Variants in FSD2 observed in about 807,000 individuals in gnomAD.
The protein encoded by FSD2 is fibronectin type III and SPRY domain-containing protein 2.
A neutral mutation model predicts 80.4 loss-of-function variants in FSD2; 71 were observed. The ratio of observed to expected loss-of-function variants is 0.88; its 90% confidence interval spans 0.73 to 1.08. The LOEUF (loss-of-function observed/expected upper bound fraction) is 1.08, where lower values mean the gene tolerates loss of function less well. Ranked by LOEUF, FSD2 falls within the 50% of genes least tolerant of loss-of-function variation. FSD2 has a pLI of 0.00. For synonymous variants in FSD2, 361 were observed against 329.5 expected, an observed-to-expected ratio of 1.10 and a Z score of -1.03; for missense variants, 923 against 913.8, an observed-to-expected ratio of 1.01 and a Z score of -0.13.
intron 1 of FSD2, among the ~76,000 whole-genome samples, chr15:82,803,668 A>G (rs144178636): frequency 6.6e-6 from 1 of 151,774 alleles, no homozygotes; most frequent in Non-Finnish European, 1.5e-5. Context: ...CATGACATCC[A>G]CCCCCTCCAG....
At chr15:82,773,994 T>C (rs1232960954) in intron 6 of FSD2, among the ~76,000 whole-genome samples, 1 of 152,210 alleles carries the variant, frequency 6.6e-6, no homozygotes, top group Non-Finnish European at 1.5e-5. Flanking sequence ...TGTTCAGTGT[T>C]GGTGAGAAGG....
intron 9 of FSD2, among the ~76,000 whole-genome samples, chr15:82,767,811 G>A (rs1226549072): frequency 1.3e-5 from 2 of 152,186 alleles, no homozygotes; most frequent in East Asian, 3.8e-4. Context: ...ATATGGCCAC[G>A]TTTCAAGCCT....
intron 5 of FSD2, 22 bp downstream of exon 5, chr15:82,780,223 C>G (rs755299988): frequency 6.8e-7 from 1 of 1,479,808 alleles, no homozygotes; most frequent in African/African-American, 1.4e-5. Context: ...AAAAGAAATA[C>G]ATACTAGAAC....
At chr15:82,790,366 AC>A (rs1301682596) in intron 1 of FSD2, among the ~76,000 whole-genome samples, 1 of 152,150 alleles carries the variant, frequency 6.6e-6, no homozygotes, top group African/African-American at 2.4e-5. Flanking sequence ...GGTCAGACTT[AC>A]ATCATGGTCT....
intron 6 of FSD2, among the ~76,000 whole-genome samples, chr15:82,778,348 T>C (rs2049773766): frequency 6.6e-6 from 1 of 151,928 alleles, no homozygotes. Context: ...TATGGAATAT[T>C]ATTCAGCCTT....
chr15:82,776,291 T>C (rs1040231649), intron 6 of FSD2, among the ~76,000 whole-genome samples: 3 of 152,130 alleles, frequency 2.0e-5, no homozygotes, highest in Non-Finnish European at 4.4e-5. Flanking sequence ...TATTTCAAAA[T>C]AGTAATGATA....
intron 7 of FSD2, 117 bp downstream of exon 7, chr15:82,771,956 T>C (rs1287636747): frequency 1.9e-6 from 2 of 1,078,076 alleles, no homozygotes; most frequent in Admixed American, 3.3e-5. Flanking sequence ...TCCAATCCTC[T>C]GCATGTCTAG....
chr15:82,804,765 T>G (rs1010642839), intron 1 of FSD2, among the ~76,000 whole-genome samples: 1 of 152,192 alleles, frequency 6.6e-6, no homozygotes, highest in Non-Finnish European at 1.5e-5. Flanking sequence ...TAAGAACACA[T>G]GCTTTCAAGC....
At position 82,787,260 on chromosome 15, in the gene FSD2, C is replaced by T; in HGVS notation, c.131G>A (p.Arg44Lys). The T allele has an allele frequency of 6.2e-7, 1 of 1,613,910 alleles. No homozygotes were observed. Among genetic ancestry groups the T allele is most frequent in the Non-Finnish European group, 8.5e-7 (1 of 1,179,884 alleles). Residue 44 changes from arginine to lysine, a missense_variant, in exon 2 of 13, where the codon AGG (arginine) becomes AAG (lysine). Arg to Lys is a conservative substitution (Grantham distance 26). Coordinates refer to ENST00000334574, the MANE Select transcript of FSD2 (RefSeq NM_001007122.4). ...GGCCATTTCAGCTTGGACTACTTTC[C>T]TCATCCTAGTGTTCTCTTCTGGAAA... ...HLFPEENTRM[R>K]KVVQAEMANE...
chr15:82,764,300 G>A (rs2049358015), intron 11 of FSD2, among the ~76,000 whole-genome samples: 1 of 152,042 alleles, frequency 6.6e-6, no homozygotes, highest in Admixed American at 6.6e-5. Context: ...AAATGACTTT[G>A]TAACTTCACT....
chr15:82,768,629 A>T (rs1175539744), intron 9 of FSD2, among the ~76,000 whole-genome samples: 1 of 147,368 alleles, frequency 6.8e-6, no homozygotes, highest in African/African-American at 2.5e-5. Context: ...TGAATGGGAA[A>T]CCTTACTTGA....
chr15:82,778,911 G>T (rs371893160), intron 5 of FSD2, 24 bp from the exon 6 acceptor site: 75 of 1,613,298 alleles, frequency 4.6e-5, no homozygotes, highest in Non-Finnish European at 1.5e-5. Context: ...AAGACATGCT[G>T]ACTAGAATGG....
chr15:82,768,971 T>G lies in FSD2; in HGVS notation c.1462A>C (p.Ile488Leu). The G allele has an allele frequency of 6.2e-7, 1 of 1,606,968 alleles. No individual in the cohort carries two copies. Among genetic ancestry groups the G allele is most frequent in the Non-Finnish European group, 8.5e-7 (1 of 1,176,862 alleles). Residue 488 changes from isoleucine (I) to leucine (L), a missense_variant, in exon 9 of 13, where the codon ATT (isoleucine) becomes CTT (leucine). Ile to Leu is a conservative substitution (Grantham distance 5). Transcript: ENST00000334574. The part of the protein sequence containing the change: ...EIRSCEEAVL[I>L]CWESGNLNPV... ...TTCAGGTTCCCAGACTCCCAGCAAA[T>G]CAGCACAGCCTCTTCACAGCTCCTT...
chr15:82,772,387 A>C (rs2049602890), intron 6 of FSD2, among the ~76,000 whole-genome samples, 159 bp from the exon 7 acceptor site: 1 of 152,226 alleles, frequency 6.6e-6, no homozygotes, highest in South Asian at 2.1e-4. Context: ...ACAGCCTCTC[A>C]ACCATGAGTC....
At chr15:82,798,622 T>C (rs2050334618) in intron 1 of FSD2, among the ~76,000 whole-genome samples, 1 of 152,200 alleles carries the variant, frequency 6.6e-6, no homozygotes, top group Non-Finnish European at 1.5e-5. Context: ...ATCCATCACT[T>C]TTATGATCCA....
chr15:82,775,794 C>G (rs78282693), intron 6 of FSD2, among the ~76,000 whole-genome samples: 97 of 152,254 alleles, frequency 6.4e-4, no homozygotes, highest in Middle Eastern at 3.4e-3. Context: ...CCTTGTAGTA[C>G]ATCCCTTTTG....
At chr15:82,784,852 C>G (rs144500580) in intron 3 of FSD2, among the ~76,000 whole-genome samples, 1 of 152,282 alleles carries the variant, frequency 6.6e-6, no homozygotes, top group East Asian at 1.9e-4. Flanking sequence ...TTGACCTCAT[C>G]TGGAAGGTTG....
chr15:82,788,052 C>T (rs532412782), intron 1 of FSD2, among the ~76,000 whole-genome samples: 1 of 152,084 alleles, frequency 6.6e-6, no homozygotes, highest in Non-Finnish European at 1.5e-5. Context: ...AGGCATGAAC[C>T]ACTGCGCCCA....
intron 6 of FSD2, among the ~76,000 whole-genome samples, chr15:82,774,196 C>T (rs995131486): frequency 2.0e-5 from 3 of 152,116 alleles, no homozygotes; most frequent in Admixed American, 2.0e-4. Flanking sequence ...CTTCAGTCTC[C>T]CAAGTAACTG....
Sources: allele counts gnomAD v4.1 joint callset (sites outside exome capture counted in the v4.1 genomes callset), GRCh38; gene constraint gnomAD v4.1.1; transcripts MANE v1.5; gene names NCBI Gene and HGNC (gene_info 2026-07-23, HGNC 2026-07-21).